The following STPG2 variants were observed in gnomAD, a reference collection of about 807,000 sequenced individuals.
The protein encoded by STPG2 is sperm tail PG-rich repeat containing 2, also known as sperm-tail PG-rich repeat-containing protein 2.
A neutral mutation model predicts 54.2 loss-of-function variants in STPG2; 56 were observed. The observed-to-expected ratio is 1.03, with a 90% CI of 0.83 to 1.29. The LOEUF (loss-of-function observed/expected upper bound fraction) is 1.29. Ranked by LOEUF, STPG2 falls within the 50% of genes most tolerant of loss-of-function variation. The probability of loss-of-function intolerance (pLI) is 0.00; values close to 1 mark genes in which losing one functional copy is unlikely to be tolerated. For synonymous variants in STPG2, 200 were observed against 181.8 expected, an observed-to-expected ratio of 1.10 and a Z score of -0.81; for missense variants, 596 against 544.9, an observed-to-expected ratio of 1.09 and a Z score of -0.93.
intron 7 of STPG2, among the ~76,000 whole-genome samples, chr4:97,949,612 G>C (rs910968889): frequency 6.6e-6 from 1 of 152,024 alleles, no homozygotes; most frequent in African/African-American, 2.4e-5. Context: ...GTAGTAAAAA[G>C]TTTTCTCAGC....
chr4:97,619,431 TG>T (rs1560688432), intron 10 of STPG2, among the ~76,000 whole-genome samples: 1 of 152,056 alleles, frequency 6.6e-6, no homozygotes, highest in South Asian at 2.1e-4. Flanking sequence ...AACCTAAATA[TG>T]GGTTTTAAAT....
At chr4:97,902,860 C>T (rs1015298434) in intron 8 of STPG2, among the ~76,000 whole-genome samples, 2 of 152,108 alleles carry the variant, frequency 1.3e-5, no homozygotes, top group Admixed American at 1.3e-4. Context: ...TTCATTGCAG[C>T]ATTATTCACA....
intron 7 of STPG2, among the ~76,000 whole-genome samples, chr4:97,960,075 A>T (rs1177836594): frequency 6.6e-6 from 1 of 152,188 alleles, no homozygotes. Context: ...TACATCACAT[A>T]AACAGAATTA....
chr4:97,457,277 T>C lies in STPG2; in HGVS notation c.462+255422A>G, dbSNP rs114928319. On this transcript the variant is annotated intron_variant, in intron 4 of 4. Transcript: ENST00000522676. Reference sequence around the variant, plus strand: ...TTATTTAACCAGATGAAATGAACACTTATGTCTATTCAAAAACCTGCACAT... The same window carrying C: ...TTATTTAACCAGATGAAATGAACACCTATGTCTATTCAAAAACCTGCACAT... Among the ~76,000 whole-genome samples the C allele has an allele frequency of 2.8e-3, 427 of 152,352 alleles. 3 individuals are homozygous for C. Among genetic ancestry groups the C allele is most frequent in the African/African-American group, 9.5e-3 (395 of 41,578 alleles).
intron 4 of STPG2, among the ~76,000 whole-genome samples, chr4:97,481,689 G>A (rs1444562558): frequency 6.6e-6 from 1 of 151,440 alleles, no homozygotes; most frequent in Admixed American, 6.6e-5. Flanking sequence ...TTTGAACACT[G>A]ACCTTATAAC....
chr4:97,565,602 TG>T (rs1358261020), intron 10 of STPG2, among the ~76,000 whole-genome samples: 1 of 152,202 alleles, frequency 6.6e-6, no homozygotes, highest in Non-Finnish European at 1.5e-5. Flanking sequence ...GATGTACAGA[TG>T]GGTTTTTGGT....
chr4:97,701,245 C>T (rs1272282062), intron 10 of STPG2, among the ~76,000 whole-genome samples: 2 of 152,154 alleles, frequency 1.3e-5, no homozygotes, highest in African/African-American at 4.8e-5. Context: ...GCCAGTTATG[C>T]ATCCTGGCAC....
chr4:97,683,654 T>C (rs998679653), intron 10 of STPG2, among the ~76,000 whole-genome samples: 8 of 151,682 alleles, frequency 5.3e-5, no homozygotes, highest in Non-Finnish European at 7.4e-5. Context: ...AAACCAAAGA[T>C]AGCCTCATAC....
chr4:97,737,280 TG>T lies in STPG2; in HGVS notation c.1205-24467del, dbSNP rs535376675. ...TGTGGAAAAAACAGAGCAGAAAAAC[TG>T]GAAATTCTAAAAAGCAGAGTGCCTA... On this transcript the variant is annotated intron_variant, in intron 9 of 10. Transcript: ENST00000295268. 9.2e-5 allele frequency among the ~76,000 whole-genome samples: 14 copies of T among 152,126 alleles called. No homozygotes were observed. The South Asian group carries it at 2.9e-3, about 32-fold the overall frequency.
intron 8 of STPG2, among the ~76,000 whole-genome samples, chr4:97,877,251 C>A (rs1211813087): frequency 6.6e-6 from 1 of 152,154 alleles, no homozygotes; most frequent in Non-Finnish European, 1.5e-5. Flanking sequence ...CTTCTGGTAA[C>A]CACCTCTTTA....
At chr4:98,101,938 A>G (rs1016281378) in intron 5 of STPG2, among the ~76,000 whole-genome samples, 2 of 148,354 alleles carry the variant, frequency 1.3e-5, no homozygotes, top group Admixed American at 1.4e-4. Flanking sequence ...ATTCTCTCAA[A>G]CCCTTGCCAC....
At chr4:97,979,765 G>A (rs1734611323) in intron 6 of STPG2, among the ~76,000 whole-genome samples, 2 of 143,636 alleles carry the variant, frequency 1.4e-5, no homozygotes, top group South Asian at 4.5e-4. Context: ...TTGCTCTGTT[G>A]CCAGGCTGGA....
intron 2 of STPG2, among the ~76,000 whole-genome samples, chr4:98,130,351 G>GT (rs1355231147): frequency 6.6e-6 from 1 of 151,292 alleles, no homozygotes; most frequent in Non-Finnish European, 1.5e-5. Flanking sequence ...AATTTTTGTA[G>GT]TTTTTTAGTA....
intron 10 of STPG2, among the ~76,000 whole-genome samples, chr4:97,668,409 A>G (rs1354313656): frequency 2.6e-5 from 4 of 152,214 alleles, no homozygotes; most frequent in Admixed American, 1.3e-4. Flanking sequence ...TGTCATTTCA[A>G]TGAACATTGA....
intron 4 of STPG2, among the ~76,000 whole-genome samples, chr4:97,449,884 G>A (rs568338373): frequency 5.9e-5 from 9 of 152,126 alleles, no homozygotes; most frequent in Middle Eastern, 3.2e-3. Flanking sequence ...ATTTTGCATA[G>A]ATGTCTTCTT....
chr4:98,097,826 G>A lies in STPG2; in HGVS notation c.612+8127C>T, dbSNP rs544094052. ...TCAGTAGCGTTTCTATATGCCAACA[G>A]TGAACAATCTGAAGAAGAAATCAAA... On this transcript the variant is annotated intron_variant, in intron 5 of 10. Transcript: ENST00000295268. Among the ~76,000 whole-genome samples, 154 of 152,176 alleles carry A rather than the reference G, an allele frequency of 1.0e-3. 1 individual carries two copies. Among genetic ancestry groups the A allele is most frequent in the Non-Finnish European group, 1.1e-3 (76 of 67,952 alleles).
chr4:97,844,549 T>C (rs1046704896), intron 8 of STPG2, among the ~76,000 whole-genome samples: 1 of 152,068 alleles, frequency 6.6e-6, no homozygotes, highest in African/African-American at 2.4e-5. Flanking sequence ...CAATTAGTGA[T>C]ACTGTTTCCA....
At chr4:97,973,514 A>G (rs186413548) in intron 6 of STPG2, among the ~76,000 whole-genome samples, 149 of 152,354 alleles carry the variant, frequency 9.8e-4, no homozygotes, top group African/African-American at 3.5e-3. Flanking sequence ...GGCTGCAGAA[A>G]TTTGCATAAG....
chr4:97,861,494 T>C (rs941398844), intron 8 of STPG2, among the ~76,000 whole-genome samples: 1 of 152,098 alleles, frequency 6.6e-6, no homozygotes, highest in African/African-American at 2.4e-5. Context: ...CACTGCTAGG[T>C]GTATACCCAT....
Sources: gnomAD v4.1 joint callset for allele counts (sites outside exome capture counted in the v4.1 genomes callset) on GRCh38, gnomAD v4.1.1 for gene constraint, MANE v1.5 for transcripts, NCBI Gene and HGNC (gene_info 2026-07-23, HGNC 2026-07-21) for gene names.